TMEM132B: variants seen among roughly 807,000 people sequenced by gnomAD.
The protein encoded by TMEM132B is transmembrane protein 132B.
Under a neutral mutation model 90.8 loss-of-function variants are expected in TMEM132B, and 18 were observed. The ratio of observed to expected loss-of-function variants is 0.20; its 90% CI spans 0.14 to 0.29. TMEM132B has a LOEUF of 0.29. Among genes scored for constraint, TMEM132B ranks in the 10% least tolerant of loss-of-function variants. The pLI, the probability that TMEM132B is intolerant of heterozygous loss-of-function variation, is 1.00. For synonymous variants in TMEM132B, 504 were observed against 523.3 expected, an observed-to-expected ratio of 0.96 and a Z score of 0.50; for missense variants, 1,096 against 1,326.8, an observed-to-expected ratio of 0.83 and a Z score of 2.70.
At chr12:125,451,983 A>G (rs1222769530) in intron 3 of TMEM132B, among the ~76,000 whole-genome samples, 2 of 152,196 alleles carry the variant, frequency 1.3e-5, no homozygotes. Flanking sequence ...AAGGATGTTG[A>G]AAGATTTGTG....
intron 2 of TMEM132B, among the ~76,000 whole-genome samples, chr12:125,414,412 G>C (rs140710250): frequency 1.2e-3 from 184 of 152,014 alleles, no homozygotes; most frequent in African/African-American, 4.1e-3. Context: ...GTGGTGCTGG[G>C]ATGTCTGGCA....
Position 125,359,460 on chromosome 12 carries a change from A to G in TMEM132B, c.959+9117A>G, listed in dbSNP as rs1877891812. On this transcript the variant is annotated intron_variant, in intron 2 of 8. Coordinates refer to ENST00000682704, the MANE Select transcript of TMEM132B (RefSeq NM_001366854.1). ...TTGGCTACAAAAAAGACAATGTCAAAAAAACCCCAGATCATATTAGTAAAA... is the reference window on the plus strand; with the variant it reads ...TTGGCTACAAAAAAGACAATGTCAAGAAAACCCCAGATCATATTAGTAAAA... Among the ~76,000 whole-genome samples, 3 of 152,196 alleles carry G rather than the reference A, an allele frequency of 2.0e-5. No individual in the cohort carries two copies. In the South Asian group the frequency reaches 6.2e-4, roughly 32 times the overall value.
At chr12:125,249,524 A>G (rs1299601807) in intron 1 of TMEM132B, among the ~76,000 whole-genome samples, 1 of 152,210 alleles carries the variant, frequency 6.6e-6, no homozygotes, top group Non-Finnish European at 1.5e-5. Context: ...CATCAGCCAG[A>G]TGCCACAGTG....
intron 2 of TMEM132B, among the ~76,000 whole-genome samples, chr12:125,400,180 C>G (rs1445648594): frequency 6.6e-6 from 1 of 152,184 alleles, no homozygotes; most frequent in Non-Finnish European, 1.5e-5. Context: ...ATAACTAAAA[C>G]CATTCTTTTT....
rs188628133 is a variant in TMEM132B at position 125,612,042 on chromosome 12, C to A, written c.1437+28048C>A. 4.6e-5 allele frequency among the ~76,000 whole-genome samples: 7 copies of A among 152,198 alleles called. No homozygotes were observed. The East Asian group carries it at 1.4e-3, about 29-fold the overall frequency. ...AGTATTGTTGAATTTTCTATTTATT[C>A]TCTCAGTTCTGTCCATTTTTGCTTC... On this transcript the variant is annotated intron_variant, in intron 5 of 8. Coordinates refer to ENST00000682704, the MANE Select transcript of TMEM132B (RefSeq NM_001366854.1).
chr12:125,203,180 C>T (rs747184237), intron 1 of TMEM132B, among the ~76,000 whole-genome samples: 1 of 152,278 alleles, frequency 6.6e-6, no homozygotes, highest in Admixed American at 6.5e-5. Context: ...TGCTGTGAGA[C>T]ACAGAGTGGA....
rs1875050452 is a variant in TMEM132B, at chr12:125,277,956, A to G, written c.68-71496A>G. On this transcript the variant is annotated intron_variant, in intron 1 of 8. Coordinates refer to ENST00000682704, the MANE Select transcript of TMEM132B (RefSeq NM_001366854.1). The surrounding 1 kb of genome is among the most constrained non-coding windows in gnomAD (Gnocchi z 4.3). Reference sequence around the variant, plus strand: ...AACTCTGCAGTGTGCCCAAGTCACCACCACTTCCAGTTGTCCTAAAACCAG... The same window carrying G: ...AACTCTGCAGTGTGCCCAAGTCACCGCCACTTCCAGTTGTCCTAAAACCAG... Among the ~76,000 whole-genome samples, 1 of 152,208 alleles carries G rather than the reference A, an allele frequency of 6.6e-6. No individual in the cohort carries two copies. Among genetic ancestry groups the G allele is most frequent in the Admixed American group, 6.5e-5 (1 of 15,280 alleles).
chr12:125,541,945 A>G (rs997086788), intron 4 of TMEM132B, among the ~76,000 whole-genome samples: 1 of 150,496 alleles, frequency 6.6e-6, no homozygotes, highest in African/African-American at 2.5e-5. Flanking sequence ...GAATGGCGTG[A>G]ACCCGGTAGG....
chr12:125,499,736 C>T (rs918859846), intron 3 of TMEM132B, among the ~76,000 whole-genome samples: 1 of 152,176 alleles, frequency 6.6e-6, no homozygotes, highest in Admixed American at 6.5e-5. Context: ...TCTAGCTTCA[C>T]GTCCTGTTTC....
intron 3 of TMEM132B, among the ~76,000 whole-genome samples, chr12:125,427,717 G>A (rs1203596622): frequency 1.3e-5 from 2 of 152,188 alleles, no homozygotes; most frequent in Non-Finnish European, 2.9e-5. Context: ...GGTCCTTTGT[G>A]AAATGGAAAT....
At chr12:125,627,739 C>T (rs946665751) in intron 5 of TMEM132B, among the ~76,000 whole-genome samples, 5 of 152,008 alleles carry the variant, frequency 3.3e-5, no homozygotes, top group African/African-American at 1.2e-4. Context: ...AGTCACCCTG[C>T]TGTGCTATTA....
At chr12:125,494,739 G>A (rs190146858) in intron 3 of TMEM132B, among the ~76,000 whole-genome samples, 135 of 94,588 alleles carry the variant, frequency 1.4e-3, no homozygotes, top group African/African-American at 5.5e-3. Context: ...AAATGGATGC[G>A]TCCCCTCCTC....
At chr12:125,202,715 C>T (rs1873091073) in intron 1 of TMEM132B, among the ~76,000 whole-genome samples, 1 of 152,232 alleles carries the variant, frequency 6.6e-6, no homozygotes, top group African/African-American at 2.4e-5. Context: ...GAGGGCTACA[C>T]AAGACTGTGA....
intron 2 of TMEM132B, among the ~76,000 whole-genome samples, chr12:125,388,613 C>A (rs554305243): frequency 6.6e-6 from 1 of 152,084 alleles, no homozygotes; most frequent in African/African-American, 2.4e-5. Context: ...AAAGTGCCAA[C>A]CCCGGCACTT....
chr12:125,615,026 G>A (rs1223735045), intron 5 of TMEM132B, among the ~76,000 whole-genome samples: 1 of 152,090 alleles, frequency 6.6e-6, no homozygotes, highest in African/African-American at 2.4e-5. Flanking sequence ...TATTTCTGAT[G>A]AGAAGTCAGC....
At chr12:125,481,075 G>A (rs976859101) in intron 3 of TMEM132B, among the ~76,000 whole-genome samples, 1 of 151,380 alleles carries the variant, frequency 6.6e-6, no homozygotes, top group Non-Finnish European at 1.5e-5. Flanking sequence ...CATGCTAAAA[G>A]CACAATAAAC....
At chr12:125,362,961 A>G (rs1878008848) in intron 2 of TMEM132B, among the ~76,000 whole-genome samples, 1 of 152,052 alleles carries the variant, frequency 6.6e-6, no homozygotes, top group Admixed American at 6.5e-5. Context: ...GCTCTATGGT[A>G]AGTTAACTAG....
intron 5 of TMEM132B, among the ~76,000 whole-genome samples, chr12:125,619,410 G>A (rs1407087298): frequency 4.6e-5 from 7 of 151,340 alleles, no homozygotes; most frequent in Non-Finnish European, 1.0e-4. Context: ...TGTCACCCAG[G>A]CTGGCATGCA....
At chr12:125,239,502 A>G (rs1056515999) in intron 1 of TMEM132B, among the ~76,000 whole-genome samples, 3 of 151,926 alleles carry the variant, frequency 2.0e-5, no homozygotes, top group Admixed American at 6.6e-5. Flanking sequence ...CTTTCTTTTC[A>G]TCTCTTGGCT....
Sources: allele counts gnomAD v4.1 joint callset (sites outside exome capture counted in the v4.1 genomes callset), GRCh38; gene constraint gnomAD v4.1.1; non-coding constraint Gnocchi (gnomAD v3.1); transcripts MANE v1.5; gene names NCBI Gene and HGNC (gene_info 2026-07-23, HGNC 2026-07-21).